Variants in YTHDC2 observed in about 807,000 individuals in gnomAD.
The protein encoded by YTHDC2 is 3'-5' RNA helicase YTHDC2.
In YTHDC2, 45 loss-of-function variants were observed where a neutral mutation model predicts 174.9. The ratio of observed to expected loss-of-function variants is 0.26; its 90% CI spans 0.20 to 0.33. The LOEUF (loss-of-function observed/expected upper bound fraction) is 0.33. Ranked by LOEUF, YTHDC2 falls within the 10% of genes least tolerant of loss-of-function variation. YTHDC2 has a pLI of 1.00. For missense variants in YTHDC2, 1,650 were observed against 1,723.7 expected, an observed-to-expected ratio of 0.96 and a Z score of 0.76; for synonymous variants, 657 against 574.5, an observed-to-expected ratio of 1.14 and a Z score of -2.05.
At chr5:113,521,933 G>A (rs1356947142) in intron 2 of YTHDC2, among the ~76,000 whole-genome samples, 1 of 151,766 alleles carries the variant, frequency 6.6e-6, no homozygotes, top group Non-Finnish European at 1.5e-5. Context: ...GAACTGGTTG[G>A]TTTATTAGTT....
chr5:113,566,950 C>A (rs907008893), intron 21 of YTHDC2, 142 bp from the exon 22 acceptor site: 1 of 965,990 alleles, frequency 1.0e-6, no homozygotes, highest in Non-Finnish European at 1.5e-6. Flanking sequence ...ATATTTTAAA[C>A]AACTTTCCAG....
In YTHDC2 at chr5:113,595,007, T is replaced by G. The variant is rs1240497609; in HGVS notation, c.*1533T>G. On this transcript the variant is annotated 3_prime_UTR_variant, in exon 30 of 30. Transcript: ENST00000161863. ...AACCTATTTGAATTATATTCCACTG[T>G]ATGTGTATTATGGCTCTTTTCCTAT... 6.6e-6 allele frequency: 1 copy of G among 152,154 alleles called. No homozygotes were observed. Among genetic ancestry groups the G allele is most frequent in the Non-Finnish European group, 1.5e-5 (1 of 68,010 alleles). 9.4% of individuals were successfully genotyped at this position (152,154 alleles called of 1,614,324 possible).
In YTHDC2 at chr5:113,582,954, T is replaced by A. The variant is rs568518346; in HGVS notation, c.3647+1245T>A. ...CTAAGAAGTAATTTTTTTACTTAGA[T>A]ACACCGTACTTTTTGAAAATATTGT... On this transcript the variant is annotated intron_variant, in intron 25 of 29. Transcript: ENST00000161863. 2.0e-5 allele frequency: 3 copies of A among 152,322 alleles called. No individual in the cohort carries two copies. The East Asian group carries it at 5.8e-4, about 29-fold the overall frequency. 9.4% of individuals were successfully genotyped at this position (152,322 alleles called of 1,614,324 possible). A position where few individuals can be genotyped will look rare whatever the true frequency, so the allele number is the denominator to read the frequency against.
chr5:113,526,680 G>T lies in YTHDC2; in HGVS notation c.570G>T (p.Arg190Ser). The T allele has an allele frequency of 1.2e-6, 2 of 1,605,152 alleles. No individual in the cohort carries two copies. Among genetic ancestry groups the T allele is most frequent in the Non-Finnish European group, 1.7e-6 (2 of 1,175,180 alleles). ...KRGESEFDSF[R>S]QSLPVFEKQE... The stretch of plus-strand genomic sequence containing the variant: ...GAGAATCCGAATTTGATTCTTTTAG[G>T]CAGTCTTTACCAGTGTTTGAGAAAC... Residue 190 changes from arginine to serine, a missense_variant, in exon 4 of 30, where the codon AGG becomes AGT. By Grantham distance (110) the Arg-to-Ser change is moderately radical (BLOSUM62 -1). This residue lies in a region of YTHDC2 where 304 missense variants were observed against 341.4 expected (regional missense o/e 0.89). Coordinates refer to ENST00000161863, the MANE Select transcript of YTHDC2 (RefSeq NM_022828.5).
rs141990049 is a variant in YTHDC2 at position 113,539,105 on chromosome 5, G to A, written c.1134G>A (p.Met378Ile). The A allele has an allele frequency of 1.9e-4, 268 of 1,430,872 alleles. No individual in the cohort carries two copies. The highest frequency in any genetic ancestry group is 2.4e-4 in the Non-Finnish European group (253 of 1,065,542). The allele number at this position is 1,430,872 out of a possible 1,614,324, so 88.6% of individuals were successfully genotyped here. A position where few individuals can be genotyped will look rare whatever the true frequency, so the allele number is the denominator to read the frequency against. Residue 378 changes from methionine to isoleucine, a missense_variant, in exon 8 of 30, where the codon ATG becomes ATA. Physicochemically the swap from Met to Ile is conservative, Grantham distance 10. Coordinates refer to ENST00000161863, the MANE Select transcript of YTHDC2 (RefSeq NM_022828.5). ...IQGRPFEVKE[M>I]FLEDILRTTG... ...GAAGACCATTTGAAGTAAAAGAAAT[G>A]TTTCTGGAAGATATTTTAAGAACAA...
chr5:113,561,957 G>GGTGGGTGTGTGTGTGTGT (rs1347716150), intron 18 of YTHDC2, among the ~76,000 whole-genome samples: 7 of 134,872 alleles, frequency 5.2e-5, no homozygotes, highest in African/African-American at 1.7e-4. Flanking sequence ...ATTAATTGTG[G>GGTGGGTGTGTGTGTGTGT]GTGTGTGTGT....
At position 113,544,176 on chromosome 5, in the gene YTHDC2, G is replaced by A. The variant is rs115190681; in HGVS notation, c.1495+1673G>A. Among the ~76,000 whole-genome samples the A allele has an allele frequency of 3.2e-3, 484 of 152,204 alleles. 2 individuals are homozygous for A. The highest frequency in any genetic ancestry group is 0.011 in the African/African-American group (468 of 41,530). On this transcript the variant is annotated intron_variant, in intron 10 of 29. Coordinates refer to ENST00000161863, the MANE Select transcript of YTHDC2 (RefSeq NM_022828.5). ...TTATTATTGTTATTTTTGAGACAAAGTCTCTCTCTGTCATCAGGCTGGAGT... is the reference window on the plus strand; with the variant it reads ...TTATTATTGTTATTTTTGAGACAAAATCTCTCTCTGTCATCAGGCTGGAGT...
intron 10 of YTHDC2, among the ~76,000 whole-genome samples, chr5:113,542,820 G>C (rs1030715725): frequency 6.6e-6 from 1 of 152,024 alleles, no homozygotes; most frequent in Non-Finnish European, 1.5e-5. Context: ...TCCCTTCCTT[G>C]GAAAGGATTT....
chr5:113,579,915 G>C (rs1483712244), intron 24 of YTHDC2: 1 of 985,064 alleles, frequency 1.0e-6, no homozygotes, highest in Non-Finnish European at 1.2e-6. Flanking sequence ...ATTTAAGCAA[G>C]GTAATTGTCT....
intron 26 of YTHDC2, among the ~76,000 whole-genome samples, chr5:113,587,839 A>C (rs181029855): frequency 4.0e-5 from 6 of 151,802 alleles, no homozygotes; most frequent in Admixed American, 1.3e-4. Context: ...GAATCTATAG[A>C]TCAATTTAAA....
intron 5 of YTHDC2, among the ~76,000 whole-genome samples, 174 bp downstream of exon 5, chr5:113,533,219 G>A (rs541108379): frequency 9.9e-5 from 15 of 152,218 alleles, no homozygotes; most frequent in Admixed American, 5.9e-4. Context: ...TGAATGAAGA[G>A]TTTGAAAAAG....
chr5:113,569,307 A>C (rs960399203), intron 23 of YTHDC2, among the ~76,000 whole-genome samples: 2 of 152,040 alleles, frequency 1.3e-5, no homozygotes, highest in Non-Finnish European at 2.9e-5. Flanking sequence ...GTTTCCTCTG[A>C]TGATAGTTGT....
chr5:113,535,302 T>G (rs1241616416), intron 6 of YTHDC2, among the ~76,000 whole-genome samples: 1 of 152,130 alleles, frequency 6.6e-6, no homozygotes, highest in Non-Finnish European at 1.5e-5. Flanking sequence ...CTAGAGATGA[T>G]TTAAAGTATA....
chr5:113,547,399 C>G (rs995937859), intron 10 of YTHDC2, among the ~76,000 whole-genome samples: 1 of 152,180 alleles, frequency 6.6e-6, no homozygotes, highest in African/African-American at 2.4e-5. Context: ...CCTCAAAAAA[C>G]AAACCCCAAA....
chr5:113,573,821 G>T (rs1380162682), intron 23 of YTHDC2, among the ~76,000 whole-genome samples: 1 of 152,084 alleles, frequency 6.6e-6, no homozygotes, highest in African/African-American at 2.4e-5. Context: ...GCTCCGTTAG[G>T]TCGGTTATGT....
intron 4 of YTHDC2, among the ~76,000 whole-genome samples, chr5:113,532,290 G>A (rs1319306338): frequency 1.3e-5 from 2 of 152,042 alleles, no homozygotes; most frequent in Admixed American, 1.3e-4. Context: ...TTTCTTGAAA[G>A]ATTTCATAAG....
chr5:113,563,825 C>T (rs373079649), intron 19 of YTHDC2, 34 bp from the exon 20 acceptor site: 111 of 1,608,570 alleles, frequency 6.9e-5, no homozygotes, highest in Non-Finnish European at 8.8e-5. Context: ...ACAGTTTGCT[C>T]ACATCAAAGT....
Position 113,551,128 on chromosome 5 carries a change from A to T in YTHDC2, c.1689-2053A>T, listed in dbSNP as rs570137537. 2.6e-5 allele frequency among the ~76,000 whole-genome samples: 4 copies of T among 152,192 alleles called. No individual in the cohort carries two copies. In the South Asian group the frequency reaches 8.3e-4, roughly 32 times the overall value. On this transcript the variant is annotated intron_variant, in intron 12 of 29. Transcript: ENST00000161863. ...TCAGACATTTGAAATTAGTTGTGACATTGAGTCTCAAAATTCTTGGTAGGT... is the reference window on the plus strand; with the variant it reads ...TCAGACATTTGAAATTAGTTGTGACTTTGAGTCTCAAAATTCTTGGTAGGT...
At position 113,594,869 on chromosome 5, in the gene YTHDC2, G is replaced by A. The variant is rs1253930182; in HGVS notation, c.*1395G>A. The A allele has an allele frequency of 6.6e-6, 1 of 152,104 alleles. No homozygotes were observed. Among genetic ancestry groups the A allele is most frequent in the Non-Finnish European group, 1.5e-5 (1 of 67,998 alleles). The allele number at this position is 152,104 out of a possible 1,614,324, so 9.4% of individuals were successfully genotyped here. On this transcript the variant is annotated 3_prime_UTR_variant, in exon 30 of 30. Transcript: ENST00000161863. ...ATCTTGAGAACCTTCTACTTTCTCT[G>A]GGAAAGCATTATATAGTGGTGCATT... is the stretch of plus-strand genomic sequence containing the variant.
Sources: allele counts gnomAD v4.1 joint callset (sites outside exome capture counted in the v4.1 genomes callset), GRCh38; gene constraint gnomAD v4.1.1; regional missense constraint gnomAD v4.1.1; transcripts MANE v1.5; gene names NCBI Gene and HGNC (gene_info 2026-07-23, HGNC 2026-07-21).